TENM4: variants seen among roughly 807,000 people sequenced by gnomAD.
The protein encoded by TENM4 is teneurin-4.
A neutral mutation model predicts 243.3 loss-of-function variants in TENM4; 82 were observed. The observed-to-expected ratio is 0.34, with a 90% CI of 0.28 to 0.40. TENM4 has a LOEUF of 0.40. TENM4 is among the 10% of genes least tolerant of loss of function. The pLI is 1.00. For missense variants in TENM4, 3,138 were observed against 3,673.3 expected, an observed-to-expected ratio of 0.85 and a Z score of 3.77; for synonymous variants, 1,412 against 1,456.3, an observed-to-expected ratio of 0.97 and a Z score of 0.69.
intron 9 of TENM4, among the ~76,000 whole-genome samples, chr11:78,877,432 C>G (rs2136257976): frequency 6.6e-6 from 1 of 152,338 alleles, no homozygotes; most frequent in East Asian, 1.9e-4. Context: ...CTCTTTCTCT[C>G]TGCACTTAAG....
chr11:79,087,213 C>G (rs1251835416), intron 4 of TENM4, among the ~76,000 whole-genome samples: 1 of 152,208 alleles, frequency 6.6e-6, no homozygotes, highest in Non-Finnish European at 1.5e-5. Context: ...AGTCACACAG[C>G]TAGCAAAAAG....
chr11:78,787,356 G>C, intron 15 of TENM4, among the ~76,000 whole-genome samples: 1 of 152,202 alleles, frequency 6.6e-6, no homozygotes, highest in East Asian at 1.9e-4. Flanking sequence ...AAAAGAGGAA[G>C]GATTGTAGGG....
intron 1 of TENM4, among the ~76,000 whole-genome samples, chr11:79,298,548 A>AG (rs1856497199): frequency 6.7e-6 from 1 of 149,074 alleles, no homozygotes; most frequent in Admixed American, 6.6e-5. Context: ...AAAAAAAAAA[A>AG]GAAAAACAGG....
At chr11:79,050,338 T>A (rs780376009) in intron 6 of TENM4, among the ~76,000 whole-genome samples, 1 of 152,224 alleles carries the variant, frequency 6.6e-6, no homozygotes, top group African/African-American at 2.4e-5. Context: ...AGGCTGTGGA[T>A]GCAGGTAGAG....
intron 4 of TENM4, among the ~76,000 whole-genome samples, chr11:79,114,706 A>T (rs1329188431): frequency 1.3e-5 from 2 of 152,216 alleles, no homozygotes; most frequent in African/African-American, 4.8e-5. Flanking sequence ...ATGTTACATA[A>T]TTTATGTAAC....
chr11:79,080,836 CCAG>C (rs1157334611), intron 4 of TENM4, among the ~76,000 whole-genome samples: 13 of 152,206 alleles, frequency 8.5e-5, no homozygotes, highest in Non-Finnish European at 1.6e-4. Flanking sequence ...GGCCTGAAAC[CCAG>C]TTTATTGGAT....
intron 10 of TENM4, among the ~76,000 whole-genome samples, chr11:78,859,537 A>C (rs1034538255): frequency 6.6e-6 from 1 of 152,272 alleles, no homozygotes; most frequent in African/African-American, 2.4e-5. Context: ...GTCAAAAAGC[A>C]AGATTTGGAA....
chr11:79,086,835 CAAAAAAAAA>C (rs371315703), intron 4 of TENM4, among the ~76,000 whole-genome samples: 13 of 89,092 alleles, frequency 1.5e-4, no homozygotes, highest in East Asian at 3.0e-4. Context: ...CTCTGTCTCG[CAAAAAAAAA>C]AAAAAAAAAG....
At chr11:79,192,746 A>T (rs1027335334) in intron 3 of TENM4, among the ~76,000 whole-genome samples, 1 of 145,926 alleles carries the variant, frequency 6.9e-6, no homozygotes, top group Non-Finnish European at 1.5e-5. Flanking sequence ...AATGATCAAT[A>T]AAAAAAAAAT....
intron 1 of TENM4, among the ~76,000 whole-genome samples, chr11:79,395,728 T>C (rs745796521): frequency 2.7e-5 from 4 of 150,764 alleles, no homozygotes; most frequent in Non-Finnish European, 4.5e-5. Context: ...AGAAACACTT[T>C]CATACTCACT....
intron 6 of TENM4, among the ~76,000 whole-genome samples, chr11:78,918,967 C>T (rs1179920614): frequency 1.3e-5 from 2 of 152,122 alleles, no homozygotes; most frequent in African/African-American, 4.8e-5. Flanking sequence ...TACTTAGCCT[C>T]TCTGAGTGTC....
intron 9 of TENM4, among the ~76,000 whole-genome samples, chr11:78,866,097 A>G (rs1858968839): frequency 6.6e-6 from 1 of 152,240 alleles, no homozygotes; most frequent in Non-Finnish European, 1.5e-5. Flanking sequence ...CCTCCTATGT[A>G]GGTGACAATA....
At chr11:79,047,640 G>A (rs1859691148) in intron 6 of TENM4, among the ~76,000 whole-genome samples, 1 of 152,112 alleles carries the variant, frequency 6.6e-6, no homozygotes, top group South Asian at 2.1e-4. Context: ...TAACAGCTCG[G>A]CAGCACTTCT....
At chr11:78,903,120 G>T in intron 7 of TENM4, 148 bp downstream of exon 7, 1 of 1,178,212 alleles carries the variant, frequency 8.5e-7, no homozygotes, top group East Asian at 3.1e-5. Flanking sequence ...TGGCAGTCAG[G>T]GAACCGCATC....
intron 1 of TENM4, among the ~76,000 whole-genome samples, chr11:79,350,593 C>T (rs1245016298): frequency 3.8e-5 from 3 of 78,604 alleles, no homozygotes; most frequent in Non-Finnish European, 7.2e-5. Context: ...CCATACCTGG[C>T]TAATTTTTTC....
intron 3 of TENM4, among the ~76,000 whole-genome samples, chr11:79,178,988 G>A (rs565643760): frequency 1.3e-5 from 2 of 152,214 alleles, no homozygotes; most frequent in African/African-American, 4.8e-5. Flanking sequence ...AAGTCAGTGA[G>A]GGCTGCCCTT....
intron 20 of TENM4, among the ~76,000 whole-genome samples, chr11:78,736,643 G>A (rs780909018): frequency 1.1e-4 from 17 of 152,130 alleles, no homozygotes; most frequent in East Asian, 3.9e-4. Flanking sequence ...CGTAAGGTAC[G>A]GGAGGTAAGA....
chr11:78,838,373 T>C (rs553357368), intron 12 of TENM4, among the ~76,000 whole-genome samples: 12 of 151,500 alleles, frequency 7.9e-5, no homozygotes, highest in Non-Finnish European at 1.5e-4. Context: ...TTTCTTATTT[T>C]GTAAGTTTTA....
intron 1 of TENM4, among the ~76,000 whole-genome samples, chr11:79,436,324 C>A (rs1255847775): frequency 1.3e-5 from 2 of 152,062 alleles, no homozygotes; most frequent in African/African-American, 2.4e-5. Context: ...TTGGAAAAAT[C>A]TGAATAAAGT....
Sources: allele counts gnomAD v4.1 joint callset (sites outside exome capture counted in the v4.1 genomes callset), GRCh38; gene constraint gnomAD v4.1.1; transcripts MANE v1.5; gene names NCBI Gene and HGNC (gene_info 2026-07-23, HGNC 2026-07-21).